The following GALNT2 variants were observed in gnomAD, a reference collection of about 807,000 sequenced individuals.
The protein encoded by GALNT2 is UDP-GalNAc:polypeptide N-acetylgalactosaminyltransferase 2.
A neutral mutation model predicts 81.4 loss-of-function variants in GALNT2; 31 were observed. That is an observed-to-expected ratio of 0.38 (90% CI 0.29 to 0.51). The LOEUF (loss-of-function observed/expected upper bound fraction) is 0.51, where lower values mean the gene tolerates loss of function less well. GALNT2 is among the 20% of genes least tolerant of loss of function. The pLI, the probability that GALNT2 is intolerant of heterozygous loss-of-function variation, is 0.87. For missense variants in GALNT2, 629 were observed against 765.7 expected, an observed-to-expected ratio of 0.82 and a Z score of 2.11; for synonymous variants, 303 against 287.4, an observed-to-expected ratio of 1.05 and a Z score of -0.55.
At chr1:230,217,306 G>A (rs1175615867) in intron 3 of GALNT2, among the ~76,000 whole-genome samples, 2 of 152,218 alleles carry the variant, frequency 1.3e-5, no homozygotes, top group Non-Finnish European at 2.9e-5. Flanking sequence ...AAGACCTGAG[G>A]GAAGGGACGA....
intron 14 of GALNT2, among the ~76,000 whole-genome samples, chr1:230,266,482 T>C (rs1195537068): frequency 6.6e-6 from 1 of 152,206 alleles, no homozygotes; most frequent in Non-Finnish European, 1.5e-5. Context: ...TGTATTGATT[T>C]CTTAACTTTC....
At chr1:230,092,184 T>TTGTTTTTTTTTTTG (rs796379271) in intron 1 of GALNT2, among the ~76,000 whole-genome samples, 3 of 119,604 alleles carry the variant, frequency 2.5e-5, no homozygotes, top group South Asian at 3.0e-4. Context: ...TAGTTTTTTT[T>TTGTTTTTTTTTTTG]TTTTTTTTTT....
At chr1:230,195,792 C>A (rs554246233) in intron 2 of GALNT2, among the ~76,000 whole-genome samples, 2 of 152,250 alleles carry the variant, frequency 1.3e-5, no homozygotes, top group Admixed American at 1.3e-4. Flanking sequence ...GGAGGGAGCG[C>A]TGGGGAGGCA....
At chr1:230,269,067 G>GT (rs1558171184) in intron 14 of GALNT2, among the ~76,000 whole-genome samples, 1 of 151,958 alleles carries the variant, frequency 6.6e-6, no homozygotes, top group Non-Finnish European at 1.5e-5. Flanking sequence ...CTTTCCAGCA[G>GT]TAAGTGCTGA....
At chr1:230,189,358 C>T (rs1663443680) in intron 2 of GALNT2, among the ~76,000 whole-genome samples, 1 of 152,144 alleles carries the variant, frequency 6.6e-6, no homozygotes. Context: ...TCAGTTACCC[C>T]AGACAGTGGA....
Position 230,187,123 on chromosome 1 carries a change from C to A in GALNT2, c.220+8812C>A, listed in dbSNP as rs150514865. ...ATGGGCGGGAAGACATGACACCAAG[C>A]TGGATGCTTTTATGGCCACAGAACC... On this transcript the variant is annotated intron_variant, in intron 2 of 15. Transcript: ENST00000366672. 1.6e-3 allele frequency among the ~76,000 whole-genome samples: 240 copies of A among 152,252 alleles called. 1 individual carries two copies. The highest frequency in any genetic ancestry group is 5.2e-3 in the African/African-American group (217 of 41,536).
chr1:230,215,514 A>G (rs1196440556), intron 3 of GALNT2, among the ~76,000 whole-genome samples: 1 of 152,250 alleles, frequency 6.6e-6, no homozygotes, highest in Non-Finnish European at 1.5e-5. Flanking sequence ...ACAGCAAGGA[A>G]CTTTACTGTC....
intron 2 of GALNT2, among the ~76,000 whole-genome samples, chr1:230,184,818 A>G (rs1401455910): frequency 6.6e-6 from 1 of 151,938 alleles, no homozygotes; most frequent in African/African-American, 2.4e-5. Flanking sequence ...TGCTTCCAGT[A>G]TTTCTCCTGT....
chr1:230,264,507 A>G (rs1289592447), intron 13 of GALNT2: 6 of 152,328 alleles, frequency 3.9e-5, no homozygotes, highest in African/African-American at 1.4e-4. Context: ...TGGCTGGCAA[A>G]TCTGCTTCCC....
chr1:230,214,969 C>T lies in GALNT2; in HGVS notation c.374+11679C>T, dbSNP rs529645944. Among the ~76,000 whole-genome samples, 8 of 152,168 alleles carry T rather than the reference C, an allele frequency of 5.3e-5. No individual in the cohort carries two copies. The East Asian group carries it at 5.8e-4, about 11-fold the overall frequency. On this transcript the variant is annotated intron_variant, in intron 3 of 15. Transcript: ENST00000366672. ...TGTTTTGTTGTGTATGAATAAATACCGAGATATTTCAGGGCTCTCACTGAC... is the reference window on the plus strand; with the variant it reads ...TGTTTTGTTGTGTATGAATAAATACTGAGATATTTCAGGGCTCTCACTGAC...
rs527250486 is a variant in GALNT2 at position 230,112,374 on chromosome 1, C to T, written c.126+44968C>T. On this transcript the variant is annotated intron_variant, in intron 1 of 15. Transcript: ENST00000366672. ...CTTAAAGGGAGCCTGCCTCCAGAGG[C>T]GCCGGGGGAGGGGGGGGGCCTGCAT... Among the ~76,000 whole-genome samples, 168 of 80,500 alleles carry T rather than the reference C, an allele frequency of 2.1e-3. 2 individuals are homozygous for T. The highest frequency in any genetic ancestry group is 9.8e-3 in the African/African-American group (162 of 16,516). 52.8% of individuals were successfully genotyped at this position (80,500 alleles called of 152,430 possible).
chr1:230,184,020 C>T (rs975435003), intron 2 of GALNT2, among the ~76,000 whole-genome samples: 3 of 151,602 alleles, frequency 2.0e-5, no homozygotes, highest in African/African-American at 7.3e-5. Flanking sequence ...TCACTTATTC[C>T]TTCTTTGATG....
At chr1:230,242,327 A>G (rs796479111) in intron 6 of GALNT2, among the ~76,000 whole-genome samples, 6 of 152,258 alleles carry the variant, frequency 3.9e-5, no homozygotes, top group African/African-American at 1.4e-4. Context: ...CACAACTTAA[A>G]ATCTTTAGTC....
intron 1 of GALNT2, among the ~76,000 whole-genome samples, chr1:230,171,658 A>C (rs1662797864): frequency 6.6e-6 from 1 of 152,236 alleles, no homozygotes; most frequent in Non-Finnish European, 1.5e-5. Flanking sequence ...CTCCGTTAAC[A>C]AATATGATGT....
chr1:230,103,116 T>C (rs1372644527), intron 1 of GALNT2, among the ~76,000 whole-genome samples: 1 of 152,192 alleles, frequency 6.6e-6, no homozygotes, highest in Non-Finnish European at 1.5e-5. Context: ...AGAGCCTCTG[T>C]TACCTCCTAG....
At chr1:230,154,632 G>A (rs1289102847) in intron 1 of GALNT2, among the ~76,000 whole-genome samples, 1 of 152,138 alleles carries the variant, frequency 6.6e-6, no homozygotes. Context: ...TATGAAATGG[G>A]GGATTCAGAC....
At chr1:230,130,251 G>A (rs982373962) in intron 1 of GALNT2, among the ~76,000 whole-genome samples, 1 of 152,188 alleles carries the variant, frequency 6.6e-6, no homozygotes, top group Non-Finnish European at 1.5e-5. Context: ...CACATGATAA[G>A]ATTTTGAGGG....
chr1:230,274,148 A>G (rs1161414768), intron 14 of GALNT2, among the ~76,000 whole-genome samples: 1 of 152,226 alleles, frequency 6.6e-6, no homozygotes, highest in East Asian at 1.9e-4. Context: ...AAGGCAGTCT[A>G]ACTTGTATTT....
At chr1:230,113,802 G>A (rs974182309) in intron 1 of GALNT2, among the ~76,000 whole-genome samples, 3 of 152,148 alleles carry the variant, frequency 2.0e-5, no homozygotes, top group East Asian at 1.9e-4. Context: ...AGGTCTTTTC[G>A]GGGAAGGGGT....
Sources: gnomAD v4.1 joint callset for allele counts (sites outside exome capture counted in the v4.1 genomes callset) on GRCh38, gnomAD v4.1.1 for gene constraint, MANE v1.5 for transcripts, NCBI Gene and HGNC (gene_info 2026-07-23, HGNC 2026-07-21) for gene names.